The following JARID2 variants were observed in gnomAD, a reference collection of about 807,000 sequenced individuals.
JARID2 encodes the protein protein Jumonji.
In JARID2, 21 loss-of-function variants were observed where a neutral mutation model predicts 125.6. The ratio of observed to expected loss-of-function variants is 0.17; its 90% confidence interval spans 0.12 to 0.24. JARID2 has a LOEUF of 0.24. Ranked by LOEUF, JARID2 falls within the 10% of genes least tolerant of loss-of-function variation. JARID2 has a pLI of 1.00. For missense variants in JARID2, 1,303 were observed against 1,639.6 expected (o/e 0.79, Z 3.55); for synonymous variants, 736 against 661.6 (o/e 1.11, Z -1.73).
intron 17 of JARID2, 54 bp downstream of exon 17, chr6:15,517,322 T>G: frequency 7.8e-7 from 1 of 1,284,734 alleles, no homozygotes; most frequent in Non-Finnish European, 1.1e-6. Flanking sequence ...CCTTCCCTGC[T>G]CCCGGCTGGA....
intron 1 of JARID2, among the ~76,000 whole-genome samples, chr6:15,318,875 G>T (rs1047500522): frequency 6.6e-6 from 1 of 152,184 alleles, no homozygotes; most frequent in Non-Finnish European, 1.5e-5. Flanking sequence ...AAGAGGGCTG[G>T]AGCCAGACAG....
At chr6:15,381,307 A>T (rs919394023) in intron 2 of JARID2, among the ~76,000 whole-genome samples, 1 of 148,710 alleles carries the variant, frequency 6.7e-6, no homozygotes, top group Non-Finnish European at 1.5e-5. Context: ...TGCCACTGCA[A>T]TCCAGCTGGG....
At chr6:15,497,959 A>C (rs1048301788) in intron 7 of JARID2, among the ~76,000 whole-genome samples, 1 of 152,074 alleles carries the variant, frequency 6.6e-6, no homozygotes, top group African/African-American at 2.4e-5. Context: ...CTGTGTCTTC[A>C]TCTCCTCTCC....
chr6:15,505,076 C>T (rs541834830), intron 9 of JARID2: 1 of 157,894 alleles, frequency 6.3e-6, no homozygotes, highest in African/African-American at 2.4e-5. Flanking sequence ...ACAGTGAGCA[C>T]TTCTGTGCCC....
At chr6:15,283,308 A>G (rs1760850665) in intron 1 of JARID2, among the ~76,000 whole-genome samples, 1 of 139,248 alleles carries the variant, frequency 7.2e-6, no homozygotes, top group African/African-American at 2.7e-5. Context: ...TGTCGCAAAT[A>G]TTGTCTCCTA....
intron 1 of JARID2, among the ~76,000 whole-genome samples, chr6:15,262,659 T>A (rs1176689400): frequency 6.6e-6 from 1 of 151,228 alleles, no homozygotes; most frequent in Non-Finnish European, 1.5e-5. Context: ...TGCCTCAGCC[T>A]TCCGAGTAGC....
chr6:15,504,708 G>A (rs1770911402), intron 9 of JARID2, 116 bp downstream of exon 9: 1 of 691,796 alleles, frequency 1.4e-6, no homozygotes, highest in Non-Finnish European at 2.6e-6. Flanking sequence ...GGACTCAGAT[G>A]GGGCTGAGTT....
At chr6:15,456,549 T>G (rs1232874222) in intron 4 of JARID2, among the ~76,000 whole-genome samples, 2 of 152,266 alleles carry the variant, frequency 1.3e-5, no homozygotes, top group East Asian at 1.9e-4. Context: ...TTTTTTTAGA[T>G]CTGAGGTATT....
At chr6:15,368,761 C>T (rs771085853) in intron 1 of JARID2, 1 of 477,110 alleles carries the variant, frequency 2.1e-6, no homozygotes, top group African/African-American at 2.0e-5. Flanking sequence ...TGAATTCTGA[C>T]AGTAATACTG....
At chr6:15,433,751 G>C (rs1034683096) in intron 3 of JARID2, among the ~76,000 whole-genome samples, 6 of 152,134 alleles carry the variant, frequency 3.9e-5, no homozygotes, top group African/African-American at 1.4e-4. Flanking sequence ...CCATTCTTTT[G>C]GGGATATGGG....
At chr6:15,500,793 C>A in intron 7 of JARID2, 114 bp from the exon 8 acceptor site, 2 of 883,888 alleles carry the variant, frequency 2.3e-6, no homozygotes, top group Non-Finnish European at 3.6e-6. Context: ...CACCCCAGAG[C>A]CTGTCAGAGT....
intron 12 of JARID2, chr6:15,508,870 G>C: frequency 1.1e-6 from 1 of 891,408 alleles, no homozygotes; most frequent in South Asian, 1.5e-5. Flanking sequence ...AGTAGTAAAA[G>C]TGCCACACAA....
At chr6:15,281,234 A>G (rs1561766551) in intron 1 of JARID2, among the ~76,000 whole-genome samples, 3 of 152,242 alleles carry the variant, frequency 2.0e-5, no homozygotes, top group African/African-American at 7.2e-5. Flanking sequence ...TTATTCTAAT[A>G]AGGAACTGGT....
intron 1 of JARID2, chr6:15,248,821 A>T (rs889147176): frequency 7.1e-5 from 55 of 769,814 alleles, no homozygotes; most frequent in Non-Finnish European, 8.7e-5. Context: ...GGGAGGCTCC[A>T]GGCGCGGCGG....
chr6:15,487,720 G>C (rs1307536138), intron 6 of JARID2, among the ~76,000 whole-genome samples, 178 bp downstream of exon 6: 1 of 152,228 alleles, frequency 6.6e-6, no homozygotes, highest in East Asian at 1.9e-4. Flanking sequence ...CTTTTGTCCT[G>C]CGAAGATCCA....
chr6:15,288,441 T>C (rs2127390957), intron 1 of JARID2, among the ~76,000 whole-genome samples: 1 of 152,340 alleles, frequency 6.6e-6, no homozygotes, highest in Admixed American at 6.5e-5. Context: ...TGCCAGGCCC[T>C]GTCCCCCAAC....
intron 4 of JARID2, among the ~76,000 whole-genome samples, chr6:15,461,206 G>A (rs76729202): frequency 6.6e-6 from 1 of 152,314 alleles, no homozygotes; most frequent in Admixed American, 6.5e-5. Context: ...AATATAGGAA[G>A]GGTTGTAAGG....
intron 4 of JARID2, among the ~76,000 whole-genome samples, chr6:15,466,024 G>A (rs562651116): frequency 2.6e-5 from 4 of 152,184 alleles, no homozygotes; most frequent in South Asian, 2.1e-4. Flanking sequence ...GGCTGGTCTC[G>A]AACTCCTGAC....
chr6:15,433,177 G>T (rs1041401725), intron 3 of JARID2, among the ~76,000 whole-genome samples: 5 of 152,132 alleles, frequency 3.3e-5, no homozygotes, highest in Non-Finnish European at 5.9e-5. Context: ...TAGTTGCTGG[G>T]TAAGTGAACA....
Sources: gnomAD v4.1 joint callset for allele counts (sites outside exome capture counted in the v4.1 genomes callset) on GRCh38, gnomAD v4.1.1 for gene constraint, MANE v1.5 for transcripts, NCBI Gene and HGNC (gene_info 2026-07-23, HGNC 2026-07-21) for gene names.